Variants in DDAH1 observed in about 807,000 individuals in gnomAD.
DDAH1 encodes the protein N(G),N(G)-dimethylarginine dimethylaminohydrolase 1.
DDAH1 carries 19 observed loss-of-function variants against 28.8 expected under a neutral mutation model. The ratio of observed to expected loss-of-function variants is 0.66; its 90% CI spans 0.46 to 0.97. The LOEUF (loss-of-function observed/expected upper bound fraction) is 0.97, where lower values mean the gene tolerates loss of function less well. DDAH1 is among the 50% of genes least tolerant of loss of function. DDAH1 has a pLI of 0.00. For synonymous variants in DDAH1, 153 were observed against 154.4 expected, an observed-to-expected ratio of 0.99 and a Z score of 0.07; for missense variants, 326 against 375.9, an observed-to-expected ratio of 0.87 and a Z score of 1.10.
At chr1:85,566,499 A>C (rs1385638361) in intron 1 of DDAH1, among the ~76,000 whole-genome samples, 1 of 151,680 alleles carries the variant, frequency 6.6e-6, no homozygotes, top group Non-Finnish European at 1.5e-5. Context: ...CTCAAAAAAA[A>C]AAAAAAAGAA....
intron 1 of DDAH1, among the ~76,000 whole-genome samples, chr1:85,370,835 T>C (rs1273292358): frequency 6.6e-6 from 1 of 151,996 alleles, no homozygotes; most frequent in African/African-American, 2.4e-5. Context: ...AGAGAAAAAA[T>C]TGAAGAACTG....
At chr1:85,404,568 A>C in intron 1 of DDAH1, 1 of 1,347,896 alleles carries the variant, frequency 7.4e-7, no homozygotes, top group Non-Finnish European at 9.5e-7. Context: ...ATAGGAGTTC[A>C]TTTTCCAGAC....
intron 1 of DDAH1, among the ~76,000 whole-genome samples, chr1:85,437,643 C>A (rs1208671185): frequency 2.0e-5 from 3 of 152,142 alleles, no homozygotes; most frequent in East Asian, 1.9e-4. Flanking sequence ...ATTGGTAAGG[C>A]TTCCAGGCAA....
At chr1:85,555,369 A>G (rs917595761) in intron 1 of DDAH1, among the ~76,000 whole-genome samples, 1 of 152,176 alleles carries the variant, frequency 6.6e-6, no homozygotes, top group African/African-American at 2.4e-5. Flanking sequence ...TATTGAGTAA[A>G]TTGTCCTTAG....
chr1:85,478,402 T>G (rs1425312901), intron 2 of DDAH1, among the ~76,000 whole-genome samples: 2 of 152,222 alleles, frequency 1.3e-5, no homozygotes, highest in Non-Finnish European at 2.9e-5. Flanking sequence ...AGAAGTTTAA[T>G]AGACTCACAG....
chr1:85,392,863 T>C (rs368722074), intron 1 of DDAH1, among the ~76,000 whole-genome samples: 6 of 151,024 alleles, frequency 4.0e-5, no homozygotes. Flanking sequence ...ACACTTCCCA[T>C]TTTGAGGTGG....
chr1:85,550,700 C>A (rs1337714636), intron 1 of DDAH1, among the ~76,000 whole-genome samples: 1 of 151,940 alleles, frequency 6.6e-6, no homozygotes, highest in Non-Finnish European at 1.5e-5. Flanking sequence ...TCTTTACAGA[C>A]CATTGTTTAA....
chr1:85,572,106 T>A (rs536107263), intron 1 of DDAH1, among the ~76,000 whole-genome samples: 1 of 152,170 alleles, frequency 6.6e-6, no homozygotes, highest in Non-Finnish European at 1.5e-5. Flanking sequence ...AGTAGACGGA[T>A]CTCTCAATCT....
At chr1:85,406,706 C>G (rs150518673) in intron 1 of DDAH1, among the ~76,000 whole-genome samples, 1 of 151,900 alleles carries the variant, frequency 6.6e-6, no homozygotes, top group Non-Finnish European at 1.5e-5. Flanking sequence ...GGTGAGAACA[C>G]GTAAAAATAT....
chr1:85,507,519 T>TAAACAAACAAAC (rs1195639785), intron 1 of DDAH1, among the ~76,000 whole-genome samples: 1 of 142,266 alleles, frequency 7.0e-6, no homozygotes, highest in African/African-American at 2.9e-5. Flanking sequence ...AATAAATAAA[T>TAAACAAACAAAC]AAATAAATAA....
At chr1:85,377,596 A>G (rs2100900802) in intron 1 of DDAH1, among the ~76,000 whole-genome samples, 1 of 152,282 alleles carries the variant, frequency 6.6e-6, no homozygotes, top group South Asian at 2.1e-4. Flanking sequence ...GGTGTTTTTC[A>G]ATTGGTATTG....
At chr1:85,492,317 C>T (rs1656434802) in intron 2 of DDAH1, among the ~76,000 whole-genome samples, 1 of 152,042 alleles carries the variant, frequency 6.6e-6, no homozygotes, top group African/African-American at 2.4e-5. Flanking sequence ...AAAATGGACT[C>T]AAATATTAAC....
intron 2 of DDAH1, among the ~76,000 whole-genome samples, chr1:85,491,285 G>A (rs562724613): frequency 1.0e-3 from 153 of 152,144 alleles, no homozygotes; most frequent in South Asian, 1.9e-3. Flanking sequence ...CTAACATGTC[G>A]TGTGCTCTTA....
At chr1:85,404,599 T>C in intron 1 of DDAH1, 1 of 1,253,164 alleles carries the variant, frequency 8.0e-7, no homozygotes, top group South Asian at 2.7e-5. Flanking sequence ...ATACAGAGCA[T>C]GTCTGCTGAA....
At chr1:85,533,267 A>G (rs1658154916) in intron 1 of DDAH1, among the ~76,000 whole-genome samples, 2 of 152,184 alleles carry the variant, frequency 1.3e-5, no homozygotes, top group Admixed American at 1.3e-4. Flanking sequence ...AAATTGCTAC[A>G]TTGATTTGGT....
chr1:85,524,959 G>A (rs1293175536), intron 1 of DDAH1, among the ~76,000 whole-genome samples: 2 of 71,892 alleles, frequency 2.8e-5, no homozygotes, highest in East Asian at 3.8e-4. Context: ...GGGCACCTAC[G>A]GAGAAACAGA....
chr1:85,501,425 A>G (rs751901686), intron 1 of DDAH1, among the ~76,000 whole-genome samples: 23 of 152,122 alleles, frequency 1.5e-4, no homozygotes, highest in Admixed American at 6.5e-4. Context: ...ACAGCCCCCC[A>G]GTAGCTATTT....
intron 1 of DDAH1, among the ~76,000 whole-genome samples, chr1:85,463,447 A>ATTACATTCCTTATCAGT (rs1553138037): frequency 6.6e-6 from 1 of 152,222 alleles, no homozygotes; most frequent in Admixed American, 6.5e-5. Context: ...TTCAAATGGG[A>ATTACATTCCTTATCAGT]TTACATTCCT....
chr1:85,448,628 T>C (rs1255459964), intron 1 of DDAH1, among the ~76,000 whole-genome samples: 1 of 152,214 alleles, frequency 6.6e-6, no homozygotes, highest in Non-Finnish European at 1.5e-5. Flanking sequence ...GACACTCCAG[T>C]GACTCAAATG....
Sources: gnomAD v4.1 joint callset for allele counts (sites outside exome capture counted in the v4.1 genomes callset) on GRCh38, gnomAD v4.1.1 for gene constraint, MANE v1.5 for transcripts, NCBI Gene and HGNC (gene_info 2026-07-23, HGNC 2026-07-21) for gene names.